UNC5D: variants seen among roughly 807,000 people sequenced by gnomAD.
UNC5D encodes unc-5 netrin receptor D.
A neutral mutation model predicts 105.4 loss-of-function variants in UNC5D; 39 were observed. The ratio of observed to expected loss-of-function variants is 0.37; its 90% confidence interval spans 0.29 to 0.48. UNC5D has a LOEUF of 0.48. UNC5D is among the 20% of genes least tolerant of loss of function. The probability of loss-of-function intolerance (pLI) is 0.98; values close to 1 mark genes in which losing one functional copy is unlikely to be tolerated. For missense variants in UNC5D, 991 were observed against 1,202.4 expected (o/e 0.82, Z 2.60); for synonymous variants, 452 against 450.4 (o/e 1.00, Z -0.04).
At position 35,545,624 on chromosome 8, in the gene UNC5D, T is replaced by C. The variant is rs139163911; in HGVS notation, c.104-3668T>C. 2.0e-3 allele frequency among the ~76,000 whole-genome samples: 311 copies of C among 151,880 alleles called. 1 individual carries two copies. Among genetic ancestry groups the C allele is most frequent in the Non-Finnish European group, 3.1e-3 (211 of 67,958 alleles). On this transcript the variant is annotated intron_variant, in intron 1 of 16. Coordinates refer to ENST00000404895, the MANE Select transcript of UNC5D (RefSeq NM_080872.4). ...GCGGGCTACAGGGATAGGCAGTCAC[T>C]ACTCCCAGCACTTCGCTATACAAAG...
intron 11 of UNC5D, among the ~76,000 whole-genome samples, chr8:35,742,861 G>A (rs1036152726): frequency 2.6e-5 from 4 of 152,180 alleles, no homozygotes; most frequent in East Asian, 1.9e-4. Context: ...TAGGTACTAC[G>A]TGGTAAGGTC....
chr8:35,366,416 G>A (rs1255426230), intron 1 of UNC5D, among the ~76,000 whole-genome samples: 4 of 151,970 alleles, frequency 2.6e-5, no homozygotes, highest in African/African-American at 9.7e-5. Context: ...ATTACACTCG[G>A]TCTTCAGGTC....
chr8:35,465,503 A>G (rs368511036), intron 1 of UNC5D, among the ~76,000 whole-genome samples: 1 of 151,138 alleles, frequency 6.6e-6, no homozygotes, highest in East Asian at 1.9e-4. Flanking sequence ...GCAAGACCCA[A>G]CCTCAAAAAA....
At chr8:35,491,315 G>A (rs957153524) in intron 1 of UNC5D, among the ~76,000 whole-genome samples, 1 of 151,950 alleles carries the variant, frequency 6.6e-6, no homozygotes, top group Admixed American at 6.5e-5. Context: ...TTTTAAATAA[G>A]CATAACCTGA....
chr8:35,376,112 CG>C (rs1802687759), intron 1 of UNC5D, among the ~76,000 whole-genome samples: 1 of 152,092 alleles, frequency 6.6e-6, no homozygotes, highest in East Asian at 1.9e-4. Flanking sequence ...GTTATCAAAA[CG>C]AATTGAAATG....
intron 3 of UNC5D, among the ~76,000 whole-genome samples, chr8:35,576,440 G>T (rs1352324188): frequency 6.6e-6 from 1 of 152,184 alleles, no homozygotes; most frequent in Non-Finnish European, 1.5e-5. Flanking sequence ...GCACATTTGG[G>T]GTTGAGCTAA....
At chr8:35,772,987 A>C (rs149013877) in intron 15 of UNC5D, among the ~76,000 whole-genome samples, 186 of 152,200 alleles carry the variant, frequency 1.2e-3, no homozygotes, top group African/African-American at 4.2e-3. Context: ...TCCTCTAGAC[A>C]AGGAGAAAAG....
intron 1 of UNC5D, among the ~76,000 whole-genome samples, chr8:35,242,793 A>T (rs923659951): frequency 6.6e-6 from 1 of 152,166 alleles, no homozygotes; most frequent in Non-Finnish European, 1.5e-5. Context: ...TATTAAAGAG[A>T]ACGTATTTAC....
chr8:35,382,609 C>T (rs1803114150), intron 1 of UNC5D, among the ~76,000 whole-genome samples: 1 of 152,060 alleles, frequency 6.6e-6, no homozygotes, highest in South Asian at 2.1e-4. Context: ...TGAGATGGGG[C>T]TTTAATATTT....
chr8:35,754,461 C>T (rs11985711), intron 13 of UNC5D, among the ~76,000 whole-genome samples: 11,395 of 152,186 alleles, frequency 0.075, 1,146 homozygotes, highest in African/African-American at 0.23. Flanking sequence ...ACCAAAAGGA[C>T]GCTGGGGTTA....
chr8:35,465,712 T>C (rs1165964028), intron 1 of UNC5D, among the ~76,000 whole-genome samples: 2 of 152,152 alleles, frequency 1.3e-5, no homozygotes, highest in African/African-American at 4.8e-5. Flanking sequence ...CCTGTGAATA[T>C]GTTAGGTTAG....
chr8:35,650,011 G>T (rs182075107), intron 4 of UNC5D, among the ~76,000 whole-genome samples: 11 of 152,224 alleles, frequency 7.2e-5, no homozygotes, highest in Non-Finnish European at 1.3e-4. Context: ...AATGTAATAT[G>T]TTAACATCAG....
intron 9 of UNC5D, among the ~76,000 whole-genome samples, chr8:35,725,546 G>A (rs1422713099): frequency 6.6e-6 from 1 of 152,026 alleles, no homozygotes; most frequent in African/African-American, 2.4e-5. Context: ...TGAGTTATTA[G>A]AGCAAATTGG....
At position 35,345,836 on chromosome 8, in the gene UNC5D, C is replaced by A. The variant is rs137874399; in HGVS notation, c.103+109949C>A. Among the ~76,000 whole-genome samples, 391 of 151,854 alleles carry A rather than the reference C, an allele frequency of 2.6e-3. 1 individual carries two copies. Among genetic ancestry groups the A allele is most frequent in the Middle Eastern group, 6.8e-3 (2 of 294 alleles). On this transcript the variant is annotated intron_variant, in intron 1 of 16. Transcript: ENST00000404895. ...GAGATTTTATGATTCCAATACAGACCTGACAGAAAAAAAATTAAGGTAAAG... is the reference window on the plus strand; with the variant it reads ...GAGATTTTATGATTCCAATACAGACATGACAGAAAAAAAATTAAGGTAAAG...
chr8:35,500,601 ACTGT>A (rs1331718034), intron 1 of UNC5D, among the ~76,000 whole-genome samples: 4 of 152,136 alleles, frequency 2.6e-5, no homozygotes, highest in African/African-American at 4.8e-5. Flanking sequence ...TTCTCACAAC[ACTGT>A]CTGTAAACCA....
At chr8:35,435,028 TA>T (rs557879109) in intron 1 of UNC5D, among the ~76,000 whole-genome samples, 1 of 151,810 alleles carries the variant, frequency 6.6e-6, no homozygotes, top group Non-Finnish European at 1.5e-5. Context: ...GTGCTGAACC[TA>T]AAAAAAAGTT....
rs1297865110 is a variant in UNC5D, at chr8:35,719,952, T to G, written c.1118-2258T>G. 8.5e-5 allele frequency among the ~76,000 whole-genome samples: 13 copies of G among 152,176 alleles called. No homozygotes were observed. The East Asian group carries it at 2.5e-3, about 29-fold the overall frequency. On this transcript the variant is annotated intron_variant, in intron 8 of 16. Coordinates refer to ENST00000404895, the MANE Select transcript of UNC5D (RefSeq NM_080872.4). ...ATTTTATTCCTTTAAGTCAAATGGA[T>G]TCTACAGATGTTCCTGGGAGAGAAA...
chr8:35,372,948 T>C (rs1291710374), intron 1 of UNC5D, among the ~76,000 whole-genome samples: 1 of 152,200 alleles, frequency 6.6e-6, no homozygotes, highest in African/African-American at 2.4e-5. Flanking sequence ...TTTGAGCAAA[T>C]GGTCTCTTTG....
intron 1 of UNC5D, among the ~76,000 whole-genome samples, chr8:35,498,686 G>T (rs1001255509): frequency 3.3e-5 from 5 of 152,116 alleles, no homozygotes; most frequent in Non-Finnish European, 7.4e-5. Context: ...ATGGCTGGAG[G>T]TTGGCTGAAT....
Sources: gnomAD v4.1 joint callset for allele counts (sites outside exome capture counted in the v4.1 genomes callset) on GRCh38, gnomAD v4.1.1 for gene constraint, MANE v1.5 for transcripts, NCBI Gene and HGNC (gene_info 2026-07-23, HGNC 2026-07-21) for gene names.